BCL7B: variants seen among roughly 807,000 people sequenced by gnomAD.
The protein encoded by BCL7B is B-cell CLL/lymphoma 7 protein family member B.
BCL7B carries 11 observed loss-of-function variants against 26.5 expected under a neutral mutation model. The ratio of observed to expected loss-of-function variants is 0.42; its 90% CI spans 0.26 to 0.69. The LOEUF is 0.69. Ranked by LOEUF, BCL7B falls within the 30% of genes least tolerant of loss-of-function variation. BCL7B has a pLI of 0.28. For missense variants in BCL7B, 215 were observed against 264.4 expected, an observed-to-expected ratio of 0.81 and a Z score of 1.30; for synonymous variants, 111 against 107.9, an observed-to-expected ratio of 1.03 and a Z score of -0.18.
rs782390609 is a variant in BCL7B, at chr7:73,537,319, C to T, written c.588G>A (p.Pro196=). 46 of 1,613,916 alleles carry T rather than the reference C, an allele frequency of 2.9e-5. No individual in the cohort carries two copies. Among genetic ancestry groups the T allele is most frequent in the Admixed American group, 1.8e-4 (11 of 59,970 alleles). ...KRFCVDQPTV[P]QTASES is the part of the protein sequence containing the mutation. ...GGTGCTAGCTTTCTGACGCCGTCTG[C>T]GGCACTGTGGGTTGGTCCACACAGA... Residue 196 remains proline, a synonymous_variant, in exon 6 of 6, where the codon CCG becomes CCA. Transcript: ENST00000223368.
intron 5 of BCL7B, 41 bp downstream of exon 5, chr7:73,537,893 C>CA (rs782796651): frequency 9.3e-6 from 14 of 1,504,576 alleles, no homozygotes; most frequent in Middle Eastern, 1.8e-4. Context: ...TGCCTTAAAC[C>CA]AAAAAAACAA....
chr7:73,553,960 A>G (rs1275172501), intron 1 of BCL7B, among the ~76,000 whole-genome samples: 1 of 151,442 alleles, frequency 6.6e-6, no homozygotes, highest in Middle Eastern at 3.2e-3. Flanking sequence ...AGGAGATAGA[A>G]CAAAGGAGAC....
chr7:73,554,063 G>C (rs1554584466), intron 1 of BCL7B, among the ~76,000 whole-genome samples: 1 of 151,350 alleles, frequency 6.6e-6, no homozygotes, highest in African/African-American at 2.4e-5. Context: ...AAAATCCCAG[G>C]CTCAGGTGAA....
chr7:73,545,818 A>G (rs1791932443), intron 2 of BCL7B, among the ~76,000 whole-genome samples: 1 of 152,068 alleles, frequency 6.6e-6, no homozygotes, highest in South Asian at 2.1e-4. Context: ...GCTAACCTCA[A>G]CCTCCTAAAT....
rs138977022 is a variant in BCL7B at position 73,537,176 on chromosome 7, G to A, written c.*122C>T. On this transcript the variant is annotated 3_prime_UTR_variant, in exon 6 of 6. Transcript: ENST00000223368. ...AAGTCCTACGCCAGCCTTCCAGCCC[G>A]GAAGGCTCATGTGTGCAGGCTCTTG... The A allele has an allele frequency of 2.1e-3, 1,826 of 862,432 alleles. 8 individuals carry two copies. Among genetic ancestry groups the A allele is most frequent in the African/African-American group, 0.011 (653 of 59,854 alleles). The allele number at this position is 862,432 out of a possible 1,614,324, so 53.4% of individuals were successfully genotyped here.
At chr7:73,541,779 T>A (rs1791780204) in intron 3 of BCL7B, among the ~76,000 whole-genome samples, 2 of 152,118 alleles carry the variant, frequency 1.3e-5, no homozygotes, top group Admixed American at 6.5e-5. Context: ...ACCCAGTACT[T>A]CTTAGGAGAG....
chr7:73,548,285 G>A (rs540306772), intron 2 of BCL7B, among the ~76,000 whole-genome samples: 4 of 152,094 alleles, frequency 2.6e-5, no homozygotes, highest in African/African-American at 9.6e-5. Flanking sequence ...GAAATTAGCC[G>A]GGCCTGGTGG....
chr7:73,537,177 G>C lies in BCL7B; in HGVS notation c.*121C>G, dbSNP rs1791564087. 1.1e-6 allele frequency: 1 copy of C among 871,444 alleles called. No individual in the cohort carries two copies. Among genetic ancestry groups the C allele is most frequent in the African/African-American group, 1.7e-5 (1 of 59,922 alleles). The allele number at this position is 871,444 out of a possible 1,614,324, so 54.0% of individuals were successfully genotyped here. A position where few individuals can be genotyped will look rare whatever the true frequency, so the allele number is the denominator to read the frequency against. On this transcript the variant is annotated 3_prime_UTR_variant, in exon 6 of 6. Coordinates refer to ENST00000223368, the MANE Select transcript of BCL7B (RefSeq NM_001707.4). ...AGTCCTACGCCAGCCTTCCAGCCCG[G>C]AAGGCTCATGTGTGCAGGCTCTTGA... is the stretch of plus-strand genomic sequence containing the variant.
intron 2 of BCL7B, chr7:73,543,895 C>G: frequency 2.5e-6 from 1 of 406,530 alleles, no homozygotes; most frequent in Non-Finnish European, 4.6e-6. Flanking sequence ...ACATACACTT[C>G]GACTAGAACA....
At chr7:73,552,769 CCT>C (rs1335393431) in intron 1 of BCL7B, among the ~76,000 whole-genome samples, 7 of 151,722 alleles carry the variant, frequency 4.6e-5, no homozygotes, top group Non-Finnish European at 2.9e-5. Flanking sequence ...CAACAGAGAC[CCT>C]GTCTCAAAAG....
chr7:73,545,153 CTT>C (rs1462280546), intron 2 of BCL7B, among the ~76,000 whole-genome samples: 15 of 152,004 alleles, frequency 9.9e-5, no homozygotes, highest in Non-Finnish European at 2.2e-4. Context: ...CCAGTTCACA[CTT>C]TTTATACATT....
chr7:73,544,238 T>C (rs1457998584), intron 2 of BCL7B, among the ~76,000 whole-genome samples: 1 of 151,968 alleles, frequency 6.6e-6, no homozygotes, highest in Non-Finnish European at 1.5e-5. Context: ...CTGGCCAACA[T>C]TGTGAAACCC....
chr7:73,539,175 G>T (rs1791656140), intron 4 of BCL7B, among the ~76,000 whole-genome samples: 1 of 152,042 alleles, frequency 6.6e-6, no homozygotes, highest in South Asian at 2.1e-4. Context: ...GGTCAGGCTG[G>T]TCTCTAACTC....
rs782564594 is a variant in BCL7B, at chr7:73,538,032, C to G, written c.437-19G>C. ...GAGGGCTCTGAAAAGGCAGTAGGGTCGGCCTGAGGGCAGGGCTCCCCTGAG... is the reference window on the plus strand; with the variant it reads ...GAGGGCTCTGAAAAGGCAGTAGGGTGGGCCTGAGGGCAGGGCTCCCCTGAG... On this transcript the variant is annotated intron_variant, in intron 4 of 5. Coordinates refer to ENST00000223368, the MANE Select transcript of BCL7B (RefSeq NM_001707.4). 2 of 1,566,478 alleles carry G rather than the reference C, an allele frequency of 1.3e-6. No individual in the cohort carries two copies. The highest frequency in any genetic ancestry group is 1.7e-6 in the Non-Finnish European group (2 of 1,152,664).
At chr7:73,555,291 G>C (rs1434212346) in intron 1 of BCL7B, among the ~76,000 whole-genome samples, 1 of 151,808 alleles carries the variant, frequency 6.6e-6, no homozygotes, top group East Asian at 1.9e-4. Context: ...CTTATAATCA[G>C]CTACTCGGGA....
In BCL7B at chr7:73,557,657, C is replaced by CCCG. The variant is rs1242246010; in HGVS notation, c.-82_-80dup. 2.0e-4 allele frequency: 173 copies of CCCG among 852,914 alleles called. No homozygotes were observed. The highest frequency in any genetic ancestry group is 1.8e-3 in the East Asian group (31 of 16,770). The allele number at this position is 852,914 out of a possible 1,614,324, so 52.8% of individuals were successfully genotyped here. On this transcript the variant is annotated 5_prime_UTR_variant, in exon 1 of 6. Transcript: ENST00000223368. The stretch of plus-strand genomic sequence containing the variant: ...CGCGCGCCTCACGCGCCGCCGCCCG[C>CCCG]CCGCCGCCGCCGCAGCGTCACAGCG...
intron 2 of BCL7B, among the ~76,000 whole-genome samples, chr7:73,548,746 C>T (rs1792050072): frequency 6.6e-6 from 1 of 152,068 alleles, no homozygotes; most frequent in Admixed American, 6.6e-5. Context: ...GCCTGACCAA[C>T]ATGGAGAACC....
chr7:73,543,711 G>T lies in BCL7B; in HGVS notation c.169-67C>A, dbSNP rs547760788. 3.1e-5 allele frequency: 40 copies of T among 1,304,370 alleles called. No homozygotes were observed. The East Asian group carries it at 7.1e-4, about 23-fold the overall frequency. The allele number at this position is 1,304,370 out of a possible 1,614,324, so 80.8% of individuals were successfully genotyped here. A position where few individuals can be genotyped will look rare whatever the true frequency, so the allele number is the denominator to read the frequency against. ...GAGACTCACAGAGAGGGAGGAGGGT[G>T]CTATGTGACAGACCACAGAGGTCTG... On this transcript the variant is annotated intron_variant, in intron 2 of 5. Transcript: ENST00000223368.
intron 2 of BCL7B, among the ~76,000 whole-genome samples, chr7:73,550,273 C>T (rs991223348): frequency 2.3e-4 from 35 of 152,058 alleles, no homozygotes; most frequent in Admixed American, 1.0e-3. Flanking sequence ...GGGCCAGGCA[C>T]GGTGGTTCAT....
Sources: gnomAD v4.1 joint callset for allele counts (sites outside exome capture counted in the v4.1 genomes callset) on GRCh38, gnomAD v4.1.1 for gene constraint, MANE v1.5 for transcripts, NCBI Gene and HGNC (gene_info 2026-07-23, HGNC 2026-07-21) for gene names.